CLIC5: variants seen among roughly 807,000 people sequenced by gnomAD.
CLIC5 encodes the protein chloride intracellular channel protein 5.
CLIC5 carries 20 observed loss-of-function variants against 24.7 expected under a neutral mutation model. The ratio of observed to expected loss-of-function variants is 0.81; its 90% CI spans 0.57 to 1.18. The LOEUF (loss-of-function observed/expected upper bound fraction) is 1.18. Ranked by LOEUF, CLIC5 falls within the 50% of genes most tolerant of loss-of-function variation. CLIC5 has a pLI of 0.00. For synonymous variants in CLIC5, 159 were observed against 135.6 expected, an observed-to-expected ratio of 1.17 and a Z score of -1.20; for missense variants, 341 against 326.1, an observed-to-expected ratio of 1.05 and a Z score of -0.35.
At chr6:46,071,279 G>A (rs1187198199) in intron 1 of CLIC5, among the ~76,000 whole-genome samples, 1 of 151,978 alleles carries the variant, frequency 6.6e-6, no homozygotes, top group Admixed American at 6.6e-5. Flanking sequence ...TATCAACAGA[G>A]TAAACAACCT....
At chr6:46,084,122 T>G (rs1425483455), upstream of CLIC5, among the ~76,000 whole-genome samples, 1 of 152,164 alleles carries the variant, frequency 6.6e-6, no homozygotes, top group African/African-American at 2.4e-5. Context: ...GTTTTCCATT[T>G]GCTTGGTAGA....
chr6:45,962,742 C>A (rs955000866), intron 1 of CLIC5, among the ~76,000 whole-genome samples: 1 of 152,178 alleles, frequency 6.6e-6, no homozygotes, highest in Non-Finnish European at 1.5e-5. Context: ...CCAGACTTAG[C>A]GGGCTCCTTG....
chr6:46,126,205 G>T, the CLIC5 span, among the ~76,000 whole-genome samples: 3 of 152,206 alleles, frequency 2.0e-5, no homozygotes, highest in Non-Finnish European at 2.9e-5. Flanking sequence ...ATGAAGGTGG[G>T]TTTGTCTCTT....
chr6:46,071,432 C>T (rs530978360), intron 1 of CLIC5, among the ~76,000 whole-genome samples: 1 of 151,966 alleles, frequency 6.6e-6, no homozygotes, highest in East Asian at 1.9e-4. Context: ...GGGCAAAGGA[C>T]ATGAATACTT....
intron 4 of CLIC5, among the ~76,000 whole-genome samples, chr6:45,927,704 C>T (rs562425954): frequency 6.6e-6 from 1 of 152,272 alleles, no homozygotes; most frequent in East Asian, 1.9e-4. Flanking sequence ...CCCCTAGAGA[C>T]TCAAAGTGTT....
At chr6:45,926,043 C>A (rs1426383598) in intron 4 of CLIC5, among the ~76,000 whole-genome samples, 1 of 151,996 alleles carries the variant, frequency 6.6e-6, no homozygotes, top group Non-Finnish European at 1.5e-5. Flanking sequence ...ACTATCATTG[C>A]AAACATCAGT....
At chr6:46,075,215 A>G (rs1332415719) in intron 1 of CLIC5, among the ~76,000 whole-genome samples, 2 of 152,306 alleles carry the variant, frequency 1.3e-5, no homozygotes, top group Middle Eastern at 3.4e-3. Flanking sequence ...GAAGCTCAAT[A>G]ATTTAACAGA....
At chr6:46,001,124 A>G (rs780062835) in intron 1 of CLIC5, among the ~76,000 whole-genome samples, 3 of 152,184 alleles carry the variant, frequency 2.0e-5, no homozygotes, top group Non-Finnish European at 4.4e-5. Flanking sequence ...TTAGGCCTAG[A>G]TAAGCCTCTT....
intron 1 of CLIC5, among the ~76,000 whole-genome samples, chr6:46,003,956 G>A (rs1007805870): frequency 2.0e-5 from 3 of 152,180 alleles, no homozygotes; most frequent in African/African-American, 7.2e-5. Flanking sequence ...TGGTATATGA[G>A]AGGATTAACT....
intron 1 of CLIC5, among the ~76,000 whole-genome samples, chr6:45,980,211 A>T (rs62400486): frequency 0.013 from 1,907 of 152,176 alleles, 15 homozygotes; most frequent in Non-Finnish European, 0.019. Flanking sequence ...GGCCTTAGGC[A>T]TGGGGCTTTA....
At position 46,015,548 on chromosome 6, in the gene CLIC5, T is replaced by C; in HGVS notation, c.-6A>G. ...GCTGTCGCCGAGTCTGTCATGCCGT[T>C]GGCGCCCGGGGCTACCGTCCCGGGC... On this transcript the variant is annotated 5_prime_UTR_variant, in exon 1 of 6. Coordinates refer to ENST00000339561, the MANE Select transcript of CLIC5 (RefSeq NM_016929.5). 1 of 1,569,696 alleles carries C rather than the reference T, an allele frequency of 6.4e-7. No individual in the cohort carries two copies. The highest frequency in any genetic ancestry group is 1.2e-5 in the South Asian group (1 of 84,982).
chr6:45,921,883 G>A (rs1763275732), intron 4 of CLIC5, among the ~76,000 whole-genome samples: 1 of 152,172 alleles, frequency 6.6e-6, no homozygotes, highest in African/African-American at 2.4e-5. Context: ...CAAGAACACT[G>A]GACTTGGCCT....
chr6:45,979,413 C>G (rs1439618407), intron 1 of CLIC5, among the ~76,000 whole-genome samples: 3 of 152,130 alleles, frequency 2.0e-5, no homozygotes, highest in Non-Finnish European at 4.4e-5. Context: ...GAATAGATTC[C>G]CTGGTAACTC....
At chr6:45,981,605 G>A (rs1296708284) in intron 1 of CLIC5, among the ~76,000 whole-genome samples, 1 of 152,180 alleles carries the variant, frequency 6.6e-6, no homozygotes, top group Non-Finnish European at 1.5e-5. Context: ...CTCTGTGGGG[G>A]CCAGGCCTAG....
At chr6:45,887,037 T>G (rs1762310941) in intron 6 of CLIC5, among the ~76,000 whole-genome samples, 2 of 152,196 alleles carry the variant, frequency 1.3e-5, no homozygotes, top group Non-Finnish European at 2.9e-5. Context: ...AAATCCCACC[T>G]TTGACGCAGC....
intron 1 of CLIC5, among the ~76,000 whole-genome samples, chr6:45,974,189 C>T (rs1319435356): frequency 6.6e-6 from 1 of 151,680 alleles, no homozygotes; most frequent in Non-Finnish European, 1.5e-5. Flanking sequence ...AACCACCAGG[C>T]TGGGAATCAG....
chr6:45,890,941 G>A (rs1289342466), intron 6 of CLIC5, among the ~76,000 whole-genome samples: 2 of 152,102 alleles, frequency 1.3e-5, no homozygotes, highest in Admixed American at 6.6e-5. Flanking sequence ...GACAGGGAAG[G>A]GGGAGACATT....
chr6:46,083,581 A>G (rs1342175110), upstream of CLIC5, among the ~76,000 whole-genome samples: 4 of 152,056 alleles, frequency 2.6e-5, no homozygotes, highest in African/African-American at 9.7e-5. Context: ...GTAGTTGAGC[A>G]GTTTTGAGTG....
chr6:45,994,447 A>G lies in CLIC5; in HGVS notation c.63+21033T>C, dbSNP rs191370612. Among the ~76,000 whole-genome samples the G allele has an allele frequency of 2.4e-4, 36 of 152,208 alleles. 1 individual carries two copies. In the East Asian group the frequency reaches 6.4e-3, roughly 27 times the overall value. On this transcript the variant is annotated intron_variant, in intron 1 of 5. Coordinates refer to ENST00000339561, the MANE Select transcript of CLIC5 (RefSeq NM_016929.5). Reference sequence around the variant, plus strand: ...TAAGTGGGAGTTAAACAACGAAAACACATGGACACAGGGAGGGGAACAACG... The same window carrying G: ...TAAGTGGGAGTTAAACAACGAAAACGCATGGACACAGGGAGGGGAACAACG...
Sources: allele counts gnomAD v4.1 joint callset (sites outside exome capture counted in the v4.1 genomes callset), GRCh38; gene constraint gnomAD v4.1.1; transcripts MANE v1.5; gene names NCBI Gene and HGNC (gene_info 2026-07-23, HGNC 2026-07-21).